Variants in DCAF6 observed in about 807,000 individuals in gnomAD.
DCAF6 encodes the protein DDB1 and CUL4 associated factor 6.
A neutral mutation model predicts 125.1 loss-of-function variants in DCAF6; 54 were observed. That is an observed-to-expected ratio of 0.43 (90% confidence interval 0.35 to 0.54). The LOEUF is 0.54. Among genes scored for constraint, DCAF6 ranks in the 20% least tolerant of loss-of-function variants. The pLI, the probability that DCAF6 is intolerant of heterozygous loss-of-function variation, is 0.01. For missense variants in DCAF6, 934 were observed against 1,161.7 expected (o/e 0.80, Z 2.85); for synonymous variants, 371 against 390.4 (o/e 0.95, Z 0.58).
chr1:167,965,753 G>T (rs965958077), intron 2 of DCAF6, among the ~76,000 whole-genome samples: 1 of 151,972 alleles, frequency 6.6e-6, no homozygotes, highest in African/African-American at 2.4e-5. Flanking sequence ...GGAGGCTGAG[G>T]CCTCCCGAGT....
At position 168,066,484 on chromosome 1, in the gene DCAF6, T is replaced by TTACTATAGACCATATTTCAA. The variant is rs755632177; in HGVS notation, c.2685+21_2685+40dup. 2 of 1,480,684 alleles carry TTACTATAGACCATATTTCAA rather than the reference T, an allele frequency of 1.4e-6. No homozygotes were observed. The highest frequency in any genetic ancestry group is 3.4e-5 in the Admixed American group (2 of 58,886). The allele number at this position is 1,480,684 out of a possible 1,614,324, so 91.7% of individuals were successfully genotyped here. ...TGATGAAGTAAGATTTTTATTGTAC[T>TTACTATAGACCATATTTCAA]TACTATAGACCATATTTCAATTTGT... is the stretch of plus-strand genomic sequence containing the variant. On this transcript the variant is annotated intron_variant, in intron 20 of 21. Transcript: ENST00000367840.
chr1:168,067,826 A>G (rs936358056), intron 20 of DCAF6, among the ~76,000 whole-genome samples: 2 of 151,678 alleles, frequency 1.3e-5, no homozygotes, highest in African/African-American at 4.9e-5. Context: ...TACATATTGC[A>G]TCTCTGGGTG....
At chr1:167,945,586 G>A (rs183002679) in intron 1 of DCAF6, among the ~76,000 whole-genome samples, 125 of 152,264 alleles carry the variant, frequency 8.2e-4, no homozygotes, top group Admixed American at 2.5e-3. Flanking sequence ...CCGGCTCCCA[G>A]GTTCAAGCAC....
upstream of DCAF6, among the ~76,000 whole-genome samples, chr1:167,932,829 AAAAG>A (rs1475761003): frequency 6.7e-6 from 1 of 149,962 alleles, no homozygotes; most frequent in Non-Finnish European, 1.5e-5. Flanking sequence ...AAAAAAAAAG[AAAAG>A]AAAAGAAAAG....
At chr1:168,065,229 G>A (rs79831185) in intron 18 of DCAF6, among the ~76,000 whole-genome samples, 4,548 of 152,120 alleles carry the variant, frequency 0.03, 197 homozygotes, top group African/African-American at 0.099. Flanking sequence ...CTCTTCTTAG[G>A]GGGGATTTTC....
chr1:167,970,388 C>T (rs553031149), intron 3 of DCAF6, among the ~76,000 whole-genome samples: 2 of 152,142 alleles, frequency 1.3e-5, no homozygotes, highest in East Asian at 1.9e-4. Flanking sequence ...GTGTGGCTCA[C>T]GCTTATAATC....
At chr1:167,992,272 CACACACACACAA>C (rs1433223151) in intron 6 of DCAF6, among the ~76,000 whole-genome samples, 2 of 149,672 alleles carry the variant, frequency 1.3e-5, no homozygotes, top group African/African-American at 2.5e-5. Context: ...CACACACACA[CACACACACACAA>C]ACACCGAATG....
intron 17 of DCAF6, chr1:168,055,780 G>T: frequency 2.9e-6 from 2 of 695,734 alleles, no homozygotes; most frequent in Non-Finnish European, 5.0e-6. Context: ...GTTAACAGTA[G>T]TTTTTTTTTC....
intron 3 of DCAF6, among the ~76,000 whole-genome samples, chr1:167,974,138 T>C (rs1677779147): frequency 6.6e-6 from 1 of 152,124 alleles, no homozygotes; most frequent in African/African-American, 2.4e-5. Flanking sequence ...ATGATCCAAG[T>C]TGAGTATTTT....
the DCAF6 span, chr1:167,924,373 G>T: frequency 2.8e-6 from 2 of 702,988 alleles, no homozygotes; most frequent in South Asian, 2.3e-5. Context: ...TATTTGCCAT[G>T]AAATCATCTA....
intron 4 of DCAF6, among the ~76,000 whole-genome samples, chr1:167,981,340 C>G (rs1679095580): frequency 6.6e-6 from 1 of 152,128 alleles, no homozygotes; most frequent in African/African-American, 2.4e-5. Flanking sequence ...ACCAGTTTTC[C>G]CAGCAGCTTT....
intron 1 of DCAF6, among the ~76,000 whole-genome samples, chr1:167,941,829 A>G (rs1316441764): frequency 6.6e-6 from 1 of 152,202 alleles, no homozygotes; most frequent in Non-Finnish European, 1.5e-5. Flanking sequence ...ACTAGGGTCG[A>G]ACACTTTTAA....
chr1:167,959,159 C>T (rs1054510376), intron 2 of DCAF6, among the ~76,000 whole-genome samples: 11 of 152,146 alleles, frequency 7.2e-5, no homozygotes, highest in African/African-American at 2.7e-4. Context: ...GATTAGTTTT[C>T]TTTCACTTAG....
intron 12 of DCAF6, among the ~76,000 whole-genome samples, chr1:168,027,706 A>T (rs1485398552): frequency 6.6e-6 from 1 of 152,030 alleles, no homozygotes; most frequent in East Asian, 1.9e-4. Context: ...TTACTAATAA[A>T]TTTTTTTAAA....
At chr1:168,005,854 C>T (rs1683259968) in intron 10 of DCAF6, among the ~76,000 whole-genome samples, 1 of 152,064 alleles carries the variant, frequency 6.6e-6, no homozygotes, top group South Asian at 2.1e-4. Context: ...TACATTTTAT[C>T]CATAATAATA....
chr1:168,037,479 T>C (rs1017087775), intron 12 of DCAF6, among the ~76,000 whole-genome samples: 5 of 152,322 alleles, frequency 3.3e-5, no homozygotes, highest in Non-Finnish European at 7.4e-5. Context: ...GTATTCCCTA[T>C]GTATTTTAAT....
chr1:167,996,120 T>C (rs1450139807), intron 7 of DCAF6, among the ~76,000 whole-genome samples: 1 of 152,198 alleles, frequency 6.6e-6, no homozygotes, highest in African/African-American at 2.4e-5. Flanking sequence ...CCATAATATT[T>C]TTGTATTTTC....
At chr1:167,985,184 C>CGT (rs33966059) in intron 4 of DCAF6, among the ~76,000 whole-genome samples, 8,523 of 146,964 alleles carry the variant, frequency 0.058, 363 homozygotes, top group African/African-American at 0.12. Context: ...CAAACCACGT[C>CGT]GTGTGTGTGT....
chr1:167,905,288 C>T, the DCAF6 span: 31 of 1,006,520 alleles, frequency 3.1e-5, 2 homozygotes, highest in South Asian at 1.6e-4. Flanking sequence ...TTCTAACCTG[C>T]GGCCTGCTTA....
Sources: gnomAD v4.1 joint callset for allele counts (sites outside exome capture counted in the v4.1 genomes callset) on GRCh38, gnomAD v4.1.1 for gene constraint, MANE v1.5 for transcripts, NCBI Gene and HGNC (gene_info 2026-07-23, HGNC 2026-07-21) for gene names.